MID1: variants seen among roughly 807,000 people sequenced by gnomAD.
MID1 encodes E3 ubiquitin-protein ligase Midline-1.
MID1 carries 7 observed loss-of-function variants against 40.4 expected under a neutral mutation model. The ratio of observed to expected loss-of-function variants is 0.17; its 90% CI spans 0.10 to 0.33. MID1 has a LOEUF of 0.33. Ranked by LOEUF, MID1 falls within the 10% of genes least tolerant of loss-of-function variation. The pLI is 1.00. For missense variants in MID1, 367 were observed against 558.5 expected (o/e 0.66, Z 3.46); for synonymous variants, 229 against 221.2 (o/e 1.04, Z -0.31).
chrX:10,620,646 G>C (rs1369601085), upstream of MID1: 1 of 112,027 alleles, frequency 8.9e-6, no homozygotes, highest in East Asian at 2.8e-4. Context: ...GAAGCAAGGG[G>C]GTGGGTCCTG....
chrX:10,695,647 A>G (rs1326613645), intron 1 of MID1, among the ~76,000 whole-genome samples: 1 of 111,945 alleles, frequency 8.9e-6, no homozygotes, highest in Non-Finnish European at 1.9e-5. Context: ...TGGCCTTGTC[A>G]ATTAAACTCT....
chrX:10,557,717 A>G (rs1934176629), intron 2 of MID1, among the ~76,000 whole-genome samples: 1 of 112,288 alleles, frequency 8.9e-6, no homozygotes, highest in South Asian at 3.7e-4. Context: ...AGCCAGAAGA[A>G]ATAACCATGC....
intron 1 of MID1, among the ~76,000 whole-genome samples, chrX:10,735,040 T>G (rs1310476144): frequency 8.9e-6 from 1 of 112,256 alleles, no homozygotes; most frequent in Non-Finnish European, 1.9e-5. Flanking sequence ...CAAAACTGAC[T>G]TCCCTTCGGT....
intron 9 of MID1, among the ~76,000 whole-genome samples, chrX:10,453,764 A>G (rs1209125514): frequency 8.9e-6 from 1 of 111,972 alleles, no homozygotes; most frequent in East Asian, 2.8e-4. Flanking sequence ...CTTTACAGAT[A>G]ATGTTTGTGG....
At chrX:10,612,651 A>G (rs945769029) in intron 1 of MID1, among the ~76,000 whole-genome samples, 25 of 112,830 alleles carry the variant, frequency 2.2e-4, no homozygotes, top group African/African-American at 7.7e-4. Flanking sequence ...TTTTTTGGAC[A>G]GTATTTTCCA....
intron 3 of MID1, chrX:10,505,936 A>G (rs1931807659): frequency 1.3e-6 from 1 of 754,944 alleles, no homozygotes; most frequent in Non-Finnish European, 1.6e-6. Context: ...AAGTTCTGGA[A>G]AATGAACATT....
intron 1 of MID1, among the ~76,000 whole-genome samples, chrX:10,675,872 CTT>C (rs1340158595): frequency 9.0e-6 from 1 of 111,394 alleles, no homozygotes; most frequent in African/African-American, 3.3e-5. Context: ...TTCCTCATTT[CTT>C]CTTTCCAATT....
At position 10,652,929 on chromosome X, in the gene MID1, G is replaced by A. The variant is rs186185282; in HGVS notation, c.-186-32510C>T. Among the ~76,000 whole-genome samples the A allele has an allele frequency of 4.5e-5, 5 of 112,175 alleles. No individual in the cohort carries two copies. In the Admixed American group the frequency reaches 4.7e-4, roughly 11 times the overall value. ...TAACCTCCTTGCTCCTCTCCTTTGT[G>A]GAGGGCCTTGGTTCCTGTATATCCT... is the stretch of plus-strand genomic sequence containing the variant. On this transcript the variant is annotated intron_variant, in intron 1 of 10. Coordinates refer to the MID1 transcript ENST00000380785.
upstream of MID1, among the ~76,000 whole-genome samples, chrX:10,624,618 A>T (rs184104675): frequency 5.2e-3 from 576 of 111,492 alleles, 5 homozygotes; most frequent in African/African-American, 0.018. Context: ...TTACTTTTTT[A>T]AAATTTTTTT....
intron 1 of MID1, among the ~76,000 whole-genome samples, chrX:10,700,409 G>A (rs745959431): frequency 1.5e-4 from 17 of 109,983 alleles, no homozygotes; most frequent in Non-Finnish European, 3.2e-4. Context: ...AAAATTAGCC[G>A]GCCATGGTGG....
chrX:10,692,194 G>A lies in MID1; in HGVS notation c.-186-71775C>T, dbSNP rs766633467. On this transcript the variant is annotated intron_variant, in intron 1 of 10. Coordinates refer to the MID1 transcript ENST00000380785. ...GATCTTTGTGACTTACTTCCTGTTC[G>A]TACACCCCCTCCCCTTTCAAAATCC... 1.2e-4 allele frequency among the ~76,000 whole-genome samples: 13 copies of A among 110,911 alleles called. No individual in the cohort carries two copies. The East Asian group carries it at 2.3e-3, about 19-fold the overall frequency.
Position 10,695,932 on chromosome X carries a change from TAGTC to T in MID1, c.-186-75517_-186-75514del, listed in dbSNP as rs752628372. On this transcript the variant is annotated intron_variant, in intron 1 of 10. Transcript: ENST00000380785. ...TATTGATTATGTTATAGTAGGTGGT[TAGTC>T]AGACAGAAGCAGGGCAGGAGAGCCC... 3.0e-3 allele frequency among the ~76,000 whole-genome samples: 335 copies of T among 111,680 alleles called. 2 individuals carry two copies. Among genetic ancestry groups the T allele is most frequent in the African/African-American group, 0.01 (322 of 30,742 alleles).
chrX:10,717,399 G>C (rs1445170930), intron 1 of MID1, among the ~76,000 whole-genome samples: 2 of 107,343 alleles, frequency 1.9e-5, no homozygotes, highest in Non-Finnish European at 1.9e-5. Context: ...TGCAATCCTA[G>C]TCTCTGATAA....
chrX:10,658,428 TAAAAAAAAAAA>T (rs35116185), intron 1 of MID1, among the ~76,000 whole-genome samples: 3 of 5,578 alleles, frequency 5.4e-4, no homozygotes, highest in East Asian at 0.011. Context: ...CCTTCAACTG[TAAAAAAAAAAA>T]AAAAAAAAAA....
intron 1 of MID1, among the ~76,000 whole-genome samples, chrX:10,693,137 A>G (rs955314463): frequency 1.8e-5 from 2 of 110,643 alleles, no homozygotes; most frequent in African/African-American, 6.6e-5. Context: ...TGTAAGAAAG[A>G]TGCAGTAAGT....
At chrX:10,580,741 T>C (rs759950467) in intron 1 of MID1, among the ~76,000 whole-genome samples, 1 of 110,105 alleles carries the variant, frequency 9.1e-6, no homozygotes, top group Non-Finnish European at 1.9e-5. Flanking sequence ...TATTCTCCTT[T>C]TCCCCACTTC....
intron 1 of MID1, among the ~76,000 whole-genome samples, chrX:10,655,083 G>T (rs1243485515): frequency 8.9e-6 from 1 of 112,091 alleles, no homozygotes; most frequent in African/African-American, 3.2e-5. Flanking sequence ...TTTCCTTCAA[G>T]TTGGACAGCG....
intron 2 of MID1, among the ~76,000 whole-genome samples, chrX:10,566,028 T>C (rs1349732387): frequency 1.8e-5 from 2 of 110,770 alleles, no homozygotes; most frequent in Non-Finnish European, 3.8e-5. Flanking sequence ...CAGGATGGTT[T>C]TGAACTGCTG....
At chrX:10,765,817 G>A (rs2043716108) in intron 1 of MID1, among the ~76,000 whole-genome samples, 2 of 107,937 alleles carry the variant, frequency 1.9e-5, no homozygotes, top group Admixed American at 2.0e-4. Flanking sequence ...GCTAAAAGCT[G>A]ACACAAAACT....
Sources: allele counts gnomAD v4.1 joint callset (sites outside exome capture counted in the v4.1 genomes callset), GRCh38; gene constraint gnomAD v4.1.1; transcripts MANE v1.5; gene names NCBI Gene and HGNC (gene_info 2026-07-23, HGNC 2026-07-21).